EHBP1: variants seen among roughly 807,000 people sequenced by gnomAD.
The protein encoded by EHBP1 is EH domain binding protein 1.
EHBP1 carries 55 observed loss-of-function variants against 144.0 expected under a neutral mutation model. The ratio of observed to expected loss-of-function variants is 0.38; its 90% CI spans 0.31 to 0.48. The LOEUF is 0.48. Ranked by LOEUF, EHBP1 falls within the 20% of genes least tolerant of loss-of-function variation. The probability of loss-of-function intolerance (pLI) is 0.98; values close to 1 mark genes in which losing one functional copy is unlikely to be tolerated. For synonymous variants in EHBP1, 469 were observed against 472.7 expected (o/e 0.99, Z 0.10); for missense variants, 1,200 against 1,364.2 (o/e 0.88, Z 1.90).
intron 5 of EHBP1, among the ~76,000 whole-genome samples, chr2:62,773,904 G>GTT (rs2152379744): frequency 8.0e-6 from 1 of 124,440 alleles, no homozygotes; most frequent in South Asian, 2.8e-4. Flanking sequence ...GAAGAATAAC[G>GTT]TGAGTAACAT....
intron 14 of EHBP1, among the ~76,000 whole-genome samples, chr2:62,977,695 A>C (rs2058779291): frequency 6.6e-6 from 1 of 152,158 alleles, no homozygotes. Context: ...TAAAGACCAG[A>C]GATACAAAGG....
At chr2:62,691,693 C>G (rs2033911159) in intron 1 of EHBP1, among the ~76,000 whole-genome samples, 1 of 152,142 alleles carries the variant, frequency 6.6e-6, no homozygotes. Flanking sequence ...GGTGTTAAAC[C>G]TAAGTGACTT....
intron 18 of EHBP1, among the ~76,000 whole-genome samples, chr2:62,995,407 C>T (rs1011220532): frequency 6.6e-6 from 1 of 151,910 alleles, no homozygotes; most frequent in African/African-American, 2.4e-5. Context: ...CTTACCAGTT[C>T]AAAAGGTATG....
At chr2:62,980,853 G>A (rs556304785) in intron 15 of EHBP1, among the ~76,000 whole-genome samples, 61 of 145,902 alleles carry the variant, frequency 4.2e-4, no homozygotes, top group Middle Eastern at 3.6e-3. Flanking sequence ...TTTTTTTCAC[G>A]TGTCTTTTTT....
chr2:62,747,780 C>A (rs1032696277), intron 3 of EHBP1, among the ~76,000 whole-genome samples: 1 of 151,790 alleles, frequency 6.6e-6, no homozygotes, highest in Admixed American at 6.6e-5. Context: ...ACTTTTGCAC[C>A]AACCTAATAT....
intron 8 of EHBP1, among the ~76,000 whole-genome samples, chr2:62,863,591 A>G (rs1209202538): frequency 1.3e-5 from 2 of 152,104 alleles, no homozygotes; most frequent in Non-Finnish European, 2.9e-5. Context: ...TTGAAGTTAC[A>G]TTGAAAAAAT....
chr2:62,705,621 T>A (rs1237230632), upstream of EHBP1: 1 of 152,184 alleles, frequency 6.6e-6, no homozygotes, highest in Non-Finnish European at 1.5e-5. Flanking sequence ...CCCCAGCCGC[T>A]GTAAGACCCG....
chr2:62,952,456 A>T (rs1224529945), intron 13 of EHBP1, among the ~76,000 whole-genome samples: 3 of 152,200 alleles, frequency 2.0e-5, no homozygotes, highest in Non-Finnish European at 4.4e-5. Context: ...AGTAGTTCAT[A>T]AAATAATAGT....
chr2:62,932,741 A>T (rs1020363568), intron 10 of EHBP1, among the ~76,000 whole-genome samples: 1 of 151,948 alleles, frequency 6.6e-6, no homozygotes, highest in African/African-American at 2.4e-5. Context: ...ATCACTTGAG[A>T]TCAGGAGTTT....
rs1279743312 is a variant in EHBP1, at chr2:62,826,199, C to G, written c.425C>G (p.Ser142Cys). The change falls in exon 6 of 23, where the codon TCT (serine) becomes TGT (cysteine). Residue 142 changes from serine to cysteine, a missense_variant. This residue lies in a region of EHBP1 where 137 missense variants were observed against 190.1 expected (regional missense o/e 0.72). Coordinates refer to ENST00000431489, the MANE Select transcript of EHBP1 (RefSeq NM_001142616.3). ...TDVKLKFKPLSKKVVSAALQF... is the reference protein window; with the variant it reads ...TDVKLKFKPLCKKVVSAALQF... ...GTCAAGTTAAAATTCAAGCCATTAT[C>G]TAAAAAAGTTGTATCTGCCGCTCTT... 2 of 1,611,396 alleles carry G rather than the reference C, an allele frequency of 1.2e-6. No individual in the cohort carries two copies. Among genetic ancestry groups the G allele is most frequent in the South Asian group, 1.1e-5 (1 of 90,600 alleles).
At chr2:62,729,100 C>T (rs987357164) in intron 2 of EHBP1, among the ~76,000 whole-genome samples, 4 of 150,640 alleles carry the variant, frequency 2.7e-5, no homozygotes, top group Non-Finnish European at 4.4e-5. Flanking sequence ...GTGCAGAAGA[C>T]GTAAGACAAT....
At chr2:62,761,228 A>G (rs1055895440) in intron 3 of EHBP1, among the ~76,000 whole-genome samples, 1 of 152,160 alleles carries the variant, frequency 6.6e-6, no homozygotes, top group Non-Finnish European at 1.5e-5. Context: ...GTCAACAGAC[A>G]TGGAAATAGG....
intron 7 of EHBP1, among the ~76,000 whole-genome samples, chr2:62,841,324 A>T (rs2152718741): frequency 8.2e-6 from 1 of 121,262 alleles, no homozygotes; most frequent in Non-Finnish European, 1.6e-5. Flanking sequence ...GGAATATCAC[A>T]CTCTGGGGAC....
At chr2:62,806,130 C>T (rs1402729563) in intron 5 of EHBP1, among the ~76,000 whole-genome samples, 1 of 152,048 alleles carries the variant, frequency 6.6e-6, no homozygotes, top group African/African-American at 2.4e-5. Flanking sequence ...CAGGCATGTA[C>T]CACCATGCTT....
chr2:62,992,983 T>C (rs1477092937), intron 16 of EHBP1, among the ~76,000 whole-genome samples: 1 of 152,210 alleles, frequency 6.6e-6, no homozygotes, highest in Admixed American at 6.5e-5. Flanking sequence ...TATTTCTTGT[T>C]GATAGAACCA....
At chr2:62,932,427 G>A (rs1185947315) in intron 10 of EHBP1, among the ~76,000 whole-genome samples, 1 of 151,990 alleles carries the variant, frequency 6.6e-6, no homozygotes, top group Non-Finnish European at 1.5e-5. Context: ...GCTATGACAT[G>A]GATTAATCTT....
upstream of EHBP1, among the ~76,000 whole-genome samples, chr2:62,704,896 C>A (rs533648371): frequency 1.4e-4 from 22 of 152,276 alleles, 1 homozygote; most frequent in South Asian, 4.6e-3. Context: ...TTGCCTTTGA[C>A]CACCCTTTTT....
At chr2:63,004,128 T>A (rs1226528391) in intron 19 of EHBP1, among the ~76,000 whole-genome samples, 2 of 152,118 alleles carry the variant, frequency 1.3e-5, no homozygotes, top group African/African-American at 4.8e-5. Flanking sequence ...TCCACTTTTC[T>A]GTACATAACT....
At chr2:62,700,510 C>T (rs1038241600) in intron 1 of EHBP1, among the ~76,000 whole-genome samples, 1 of 152,130 alleles carries the variant, frequency 6.6e-6, no homozygotes, top group African/African-American at 2.4e-5. Context: ...TATTCATCTT[C>T]ATTAGCAGCC....
Sources: gnomAD v4.1 joint callset for allele counts (sites outside exome capture counted in the v4.1 genomes callset) on GRCh38, gnomAD v4.1.1 for gene constraint, gnomAD v4.1.1 regional missense constraint, MANE v1.5 for transcripts, NCBI Gene and HGNC (gene_info 2026-07-23, HGNC 2026-07-21) for gene names.